Variants in SLC17A4 observed in about 807,000 individuals in gnomAD.
The protein encoded by SLC17A4 is probable small intestine urate exporter.
A neutral mutation model predicts 52.5 loss-of-function variants in SLC17A4; 33 were observed. The ratio of observed to expected loss-of-function variants is 0.63; its 90% CI spans 0.48 to 0.84. The LOEUF (loss-of-function observed/expected upper bound fraction) is 0.84, where lower values mean the gene tolerates loss of function less well. SLC17A4 is among the 40% of genes least tolerant of loss of function. The probability of loss-of-function intolerance (pLI) is 0.00; values close to 1 mark genes in which losing one functional copy is unlikely to be tolerated. For synonymous variants in SLC17A4, 225 were observed against 216.2 expected, an observed-to-expected ratio of 1.04 and a Z score of -0.36; for missense variants, 585 against 597.1, an observed-to-expected ratio of 0.98 and a Z score of 0.21.
At position 25,770,052 on chromosome 6, in the gene SLC17A4, CTCTT is replaced by C; in HGVS notation, c.298-13_298-10del. 1 of 1,611,492 alleles carries C rather than the reference CTCTT, an allele frequency of 6.2e-7. No homozygotes were observed. The highest frequency in any genetic ancestry group is 1.1e-5 in the South Asian group (1 of 90,978). ...CTTCAACTAAAGACAAACAGTAACT[CTCTT>C]TGTCATCTAGGCCCCTGCATATGAC... On this transcript the variant is annotated splice_polypyrimidine_tract_variant and intron_variant, in intron 3 of 11. Coordinates refer to ENST00000377905, the MANE Select transcript of SLC17A4 (RefSeq NM_005495.3).
intron 1 of SLC17A4, among the ~76,000 whole-genome samples, chr6:25,758,025 T>A (rs9358886): frequency 0.27 from 41,346 of 152,108 alleles, 6,841 homozygotes; most frequent in East Asian, 0.7. Context: ...CCACCTGTGC[T>A]TCTTCACCTC....
At chr6:25,760,773 ATT>A (rs539549978) in intron 1 of SLC17A4, among the ~76,000 whole-genome samples, 1 of 151,828 alleles carries the variant, frequency 6.6e-6, no homozygotes, top group Non-Finnish European at 1.5e-5. Flanking sequence ...TTAATGCCTA[ATT>A]TTTTTTGTAT....
intron 8 of SLC17A4, 100 bp downstream of exon 8, chr6:25,773,774 G>T: frequency 7.6e-7 from 1 of 1,308,622 alleles, no homozygotes; most frequent in Non-Finnish European, 1.0e-6. Context: ...CAAAATCGGG[G>T]GATTAGGACC....
intron 2 of SLC17A4, among the ~76,000 whole-genome samples, chr6:25,768,650 G>A (rs546321113): frequency 1.3e-5 from 2 of 152,122 alleles, no homozygotes; most frequent in South Asian, 2.1e-4. Flanking sequence ...ATACCCAATC[G>A]GTCACTGCTC....
chr6:25,758,070 G>A (rs1277128970), intron 1 of SLC17A4, among the ~76,000 whole-genome samples: 2 of 152,152 alleles, frequency 1.3e-5, no homozygotes, highest in Admixed American at 6.6e-5. Flanking sequence ...CTCCAGTGTG[G>A]TGTAGACCTT....
At chr6:25,757,600 T>G (rs1188291257) in intron 1 of SLC17A4, among the ~76,000 whole-genome samples, 1 of 151,940 alleles carries the variant, frequency 6.6e-6, no homozygotes, top group Non-Finnish European at 1.5e-5. Context: ...AAGGGATCAT[T>G]TGGTTGGTTT....
rs1243813613 is a variant in SLC17A4 at position 25,770,408 on chromosome 6, TC to T, written c.557del (p.Ser186Ter). On this transcript the variant is annotated frameshift_variant, in exon 5 of 12. Transcript: ENST00000377905. LOFTEE classifies it high-confidence loss of function. ...GGTTATGGTATTAACTGGTCAGTAT[TC>T]AATTTGGGTCAAATGGGCTCCCCCA... ...AQVMVLTGQY[S>X]IWVKWAPPLE... 6.2e-7 allele frequency: 1 copy of T among 1,614,106 alleles called. No individual in the cohort carries two copies.
At chr6:25,773,774 G>C in intron 8 of SLC17A4, 100 bp downstream of exon 8, 1 of 1,308,624 alleles carries the variant, frequency 7.6e-7, no homozygotes, top group Non-Finnish European at 1.0e-6. Context: ...CAAAATCGGG[G>C]GATTAGGACC....
chr6:25,757,465 A>G (rs1161428541), intron 1 of SLC17A4, among the ~76,000 whole-genome samples: 1 of 152,066 alleles, frequency 6.6e-6, no homozygotes, highest in Non-Finnish European at 1.5e-5. Flanking sequence ...TAGTCTTCAA[A>G]TAATCTCATT....
chr6:25,771,007 T>C lies in SLC17A4; in HGVS notation c.701T>C (p.Ile234Thr), dbSNP rs1010534618. The C allele has an allele frequency of 1.9e-5, 30 of 1,613,276 alleles. No individual in the cohort carries two copies. The highest frequency in any genetic ancestry group is 2.5e-5 in the Non-Finnish European group (30 of 1,179,384). Residue 234 changes from isoleucine (I) to threonine (T), a missense_variant, in exon 6 of 12, where the codon ATC becomes ACC. Ile to Thr is a moderately conservative substitution (Grantham distance 89). Transcript: ENST00000377905. ...QTIGWPYVFY[I>T]FGGIGCACCP... The stretch of plus-strand genomic sequence containing the variant: ...ATAGGATGGCCTTACGTCTTCTATA[T>C]CTTTGGTGAGTGTGCTTTTCAAATC...
At chr6:25,759,369 A>G (rs1761326636) in intron 1 of SLC17A4, among the ~76,000 whole-genome samples, 1 of 152,172 alleles carries the variant, frequency 6.6e-6, no homozygotes, top group Non-Finnish European at 1.5e-5. Context: ...TTCTGTCTTG[A>G]TGACCTGTCT....
chr6:25,773,790 G>A, intron 8 of SLC17A4, 116 bp downstream of exon 8: 2 of 1,024,976 alleles, frequency 2.0e-6, no homozygotes, highest in Non-Finnish European at 2.8e-6. Flanking sequence ...GGACCAGGCA[G>A]GACCTCCATA....
chr6:25,758,758 A>G lies in SLC17A4; in HGVS notation c.-36-3169A>G, dbSNP rs147705158. On this transcript the variant is annotated intron_variant, in intron 1 of 11. Coordinates refer to ENST00000377905, the MANE Select transcript of SLC17A4 (RefSeq NM_005495.3). ...AAGAACCAGCTTTTTTGTTTCATTT[A>G]TCTTTTGTATTTTTTGTTTGTTTGT... Among the ~76,000 whole-genome samples the G allele has an allele frequency of 3.2e-3, 483 of 151,688 alleles. 12 individuals carry two copies. The highest frequency in any genetic ancestry group is 0.018 in the East Asian group (91 of 5,162).
At chr6:25,762,982 A>G (rs941454307) in intron 2 of SLC17A4, among the ~76,000 whole-genome samples, 2 of 152,226 alleles carry the variant, frequency 1.3e-5, no homozygotes, top group African/African-American at 2.4e-5. Flanking sequence ...GCAGTATGGC[A>G]TACTGGGTAA....
chr6:25,779,179 C>T lies in SLC17A4; in HGVS notation c.1485C>T (p.Thr495=). ...ACTGGGCTAAAGAGCAGACATTCAC[C>T]CACCTCTGAGCAAACCGAGAGATGT... is the stretch of plus-strand genomic sequence containing the variant. ...VQDWAKEQTF[T]HL is the part of the protein sequence containing the mutation. Residue 495 remains threonine, a synonymous_variant, in exon 12 of 12, where the codon ACC becomes ACT. Coordinates refer to ENST00000377905, the MANE Select transcript of SLC17A4 (RefSeq NM_005495.3). The T allele has an allele frequency of 1.2e-6, 2 of 1,613,632 alleles. No individual in the cohort carries two copies. The highest frequency in any genetic ancestry group is 1.3e-5 in the African/African-American group (1 of 74,992).
intron 10 of SLC17A4, chr6:25,777,460 G>A (rs1401027264): frequency 6.3e-6 from 1 of 158,212 alleles, no homozygotes; most frequent in Non-Finnish European, 1.4e-5. Flanking sequence ...AGAAATGTGA[G>A]AGATGCCCTT....
chr6:25,775,549 C>T (rs553538077), intron 8 of SLC17A4, among the ~76,000 whole-genome samples: 138 of 152,172 alleles, frequency 9.1e-4, no homozygotes, highest in Middle Eastern at 3.4e-3. Flanking sequence ...AATCCTCCTA[C>T]CTCAGCCTCC....
At chr6:25,778,593 A>T (rs1763132427) in intron 11 of SLC17A4, among the ~76,000 whole-genome samples, 1 of 152,222 alleles carries the variant, frequency 6.6e-6, no homozygotes, top group Non-Finnish European at 1.5e-5. Context: ...TGAATGAAAC[A>T]CAATTCCTTC....
In SLC17A4 at chr6:25,773,573, G is replaced by A; in HGVS notation, c.886G>A (p.Ala296Thr). 1 of 1,613,900 alleles carries A rather than the reference G, an allele frequency of 6.2e-7. No individual in the cohort carries two copies. Among genetic ancestry groups the A allele is most frequent in the Non-Finnish European group, 8.5e-7 (1 of 1,179,910 alleles). Reference protein sequence around the residue: ...RAMIKSLPLWAILVSYFCEYW... With the variant: ...RAMIKSLPLWTILVSYFCEYW... ...TATGATCAAATCCTTACCACTCTGGGCCATTTTAGTCTCTTATTTCTGTGA... is the reference window on the plus strand; with the variant it reads ...TATGATCAAATCCTTACCACTCTGGACCATTTTAGTCTCTTATTTCTGTGA... Residue 296 changes from alanine (A) to threonine (T), a missense_variant, in exon 8 of 12, where the codon GCC becomes ACC. By Grantham distance (58) the Ala-to-Thr change is moderately conservative. Transcript: ENST00000377905.
Sources: allele counts gnomAD v4.1 joint callset (sites outside exome capture counted in the v4.1 genomes callset), GRCh38; gene constraint gnomAD v4.1.1; transcripts MANE v1.5; gene names NCBI Gene and HGNC (gene_info 2026-07-23, HGNC 2026-07-21).